GALNT17: variants seen among roughly 807,000 people sequenced by gnomAD.
GALNT17 encodes the protein polypeptide N-acetylgalactosaminyltransferase 17, also known as UDP-GalNAc:polypeptide N-acetylgalactosaminyltransferase-like 3.
In GALNT17, 29 loss-of-function variants were observed where a neutral mutation model predicts 63.7. That is an observed-to-expected ratio of 0.46 (90% confidence interval 0.34 to 0.62). The LOEUF (loss-of-function observed/expected upper bound fraction) is 0.62, where lower values mean the gene tolerates loss of function less well. GALNT17 is among the 20% of genes least tolerant of loss of function. The pLI is 0.01. For synonymous variants in GALNT17, 305 were observed against 318.3 expected, an observed-to-expected ratio of 0.96 and a Z score of 0.45; for missense variants, 603 against 799.6, an observed-to-expected ratio of 0.75 and a Z score of 2.97.
At chr7:71,407,996 A>C (rs1793359685) in intron 3 of GALNT17, among the ~76,000 whole-genome samples, 1 of 152,182 alleles carries the variant, frequency 6.6e-6, no homozygotes, top group African/African-American at 2.4e-5. Flanking sequence ...TGATAGTTGC[A>C]CAACATTGCG....
At chr7:71,325,671 T>C (rs1791692844) in intron 1 of GALNT17, among the ~76,000 whole-genome samples, 1 of 152,158 alleles carries the variant, frequency 6.6e-6, no homozygotes, top group African/African-American at 2.4e-5. Flanking sequence ...CATCGAGCCT[T>C]CATAGCTTGG....
At chr7:71,245,591 C>T (rs935211905) in intron 1 of GALNT17, among the ~76,000 whole-genome samples, 1 of 152,186 alleles carries the variant, frequency 6.6e-6, no homozygotes, top group Admixed American at 6.5e-5. Context: ...TGTGCAACCT[C>T]TAGTTCTGGG....
chr7:71,463,419 A>G lies in GALNT17; in HGVS notation c.962+42314A>G, dbSNP rs114074772. Among the ~76,000 whole-genome samples the G allele has an allele frequency of 7.7e-3, 1,171 of 152,250 alleles. 15 individuals carry two copies. The highest frequency in any genetic ancestry group is 0.027 in the African/African-American group (1,131 of 41,546). ...AAGTGGGCCAGAGTGCAGCCTGATT[A>G]ATGCTTATGTTACCAGAAAGGGGTC... On this transcript the variant is annotated intron_variant, in intron 5 of 10. Coordinates refer to ENST00000333538, the MANE Select transcript of GALNT17 (RefSeq NM_022479.3).
Position 71,665,413 on chromosome 7 carries a change from A to C in GALNT17, c.1083A>C (p.Val361=). The C allele has an allele frequency of 6.2e-7, 1 of 1,608,366 alleles. No individual in the cohort carries two copies. Among genetic ancestry groups the C allele is most frequent in the Non-Finnish European group, 8.5e-7 (1 of 1,178,740 alleles). Residue 361 remains valine (V), a splice_region_variant and synonymous_variant, in exon 7 of 11, where the codon GTA becomes GTC. Transcript: ENST00000333538. ...GGENIELGIK[V]WLCGGSMEVL... is the part of the protein sequence containing the mutation. ...TGATGAAATCTTTGTACCCCTAGGTATGGCTCTGTGGGGGCAGCATGGAGG... is the reference window on the plus strand; with the variant it reads ...TGATGAAATCTTTGTACCCCTAGGTCTGGCTCTGTGGGGGCAGCATGGAGG...
chr7:71,296,502 C>A lies in GALNT17; in HGVS notation c.239-39048C>A, dbSNP rs184194072. Among the ~76,000 whole-genome samples, 1,078 of 151,988 alleles carry A rather than the reference C, an allele frequency of 7.1e-3. 14 individuals are homozygous for A. The highest frequency in any genetic ancestry group is 0.024 in the African/African-American group (997 of 41,466). On this transcript the variant is annotated intron_variant, in intron 1 of 10. Transcript: ENST00000333538. ...TGGTGGCAGGTGCCTGTAATCCCAGCTACTCGGGAGGTTGAGGCAGGGAGA... is the reference window on the plus strand; with the variant it reads ...TGGTGGCAGGTGCCTGTAATCCCAGATACTCGGGAGGTTGAGGCAGGGAGA...
intron 8 of GALNT17, among the ~76,000 whole-genome samples, chr7:71,672,080 T>A (rs1233984015): frequency 6.6e-6 from 1 of 150,396 alleles, no homozygotes; most frequent in African/African-American, 2.5e-5. Flanking sequence ...TAATTATTAA[T>A]AGATCTGAAC....
At chr7:71,521,389 C>T (rs188246417) in intron 5 of GALNT17, among the ~76,000 whole-genome samples, 89 of 152,288 alleles carry the variant, frequency 5.8e-4, no homozygotes, top group African/African-American at 1.8e-3. Flanking sequence ...AGCAGGAAGA[C>T]GCCCTTTCCT....
intron 9 of GALNT17, among the ~76,000 whole-genome samples, chr7:71,678,514 T>G (rs572591040): frequency 6.6e-6 from 1 of 151,868 alleles, no homozygotes; most frequent in Non-Finnish European, 1.5e-5. Context: ...CCCGTCTCTG[T>G]TGGCCAGGTG....
At position 71,178,293 on chromosome 7, in the gene GALNT17, C is replaced by T. The variant is rs529151030; in HGVS notation, c.238+45253C>T. On this transcript the variant is annotated intron_variant, in intron 1 of 10. Coordinates refer to ENST00000333538, the MANE Select transcript of GALNT17 (RefSeq NM_022479.3). The stretch of plus-strand genomic sequence containing the variant: ...TTCATTATCATTTGTATTATTGTTC[C>T]CCTGCATGTGATTTGTCATTTTTTT... Among the ~76,000 whole-genome samples the T allele has an allele frequency of 2.4e-3, 365 of 152,036 alleles. 4 individuals are homozygous for T. The highest frequency in any genetic ancestry group is 3.8e-3 in the Non-Finnish European group (257 of 67,980).
intron 6 of GALNT17, among the ~76,000 whole-genome samples, chr7:71,664,975 A>C (rs1055709164): frequency 6.6e-6 from 1 of 152,016 alleles, no homozygotes; most frequent in Non-Finnish European, 1.5e-5. Context: ...GGCATTATTT[A>C]TTTATTTATT....
intron 2 of GALNT17, among the ~76,000 whole-genome samples, chr7:71,346,066 G>A (rs1792090631): frequency 6.7e-6 from 1 of 150,326 alleles, no homozygotes; most frequent in Non-Finnish European, 1.5e-5. Context: ...GGTGGCTTGT[G>A]CCTGTTGTCC....
At chr7:71,145,052 A>G (rs1787992530) in intron 1 of GALNT17, among the ~76,000 whole-genome samples, 1 of 152,032 alleles carries the variant, frequency 6.6e-6, no homozygotes, top group Non-Finnish European at 1.5e-5. Flanking sequence ...TAAGGGGATC[A>G]TGGAGGACAA....
In GALNT17 at chr7:71,152,583, C is replaced by T. The variant is rs1418872101; in HGVS notation, c.238+19543C>T. ...CGCAGCCCCGGGGGATCCTGATCCACTTTTCTTCTTCCCCATGAGATAGGC... is the reference window on the plus strand; with the variant it reads ...CGCAGCCCCGGGGGATCCTGATCCATTTTTCTTCTTCCCCATGAGATAGGC... On this transcript the variant is annotated intron_variant, in intron 1 of 10. Coordinates refer to ENST00000333538, the MANE Select transcript of GALNT17 (RefSeq NM_022479.3). 3.9e-5 allele frequency among the ~76,000 whole-genome samples: 6 copies of T among 152,098 alleles called. No individual in the cohort carries two copies. In the East Asian group the frequency reaches 1.2e-3, roughly 29 times the overall value.
At chr7:71,142,012 C>CTGTGTGTGTGTGTGTGTG (rs201770661) in intron 1 of GALNT17, among the ~76,000 whole-genome samples, 9 of 124,890 alleles carry the variant, frequency 7.2e-5, no homozygotes, top group South Asian at 5.7e-4. Flanking sequence ...CCACATTTGG[C>CTGTGTGTGTGTGTGTGTG]TGTGTGTGTG....
At chr7:71,567,437 C>T (rs1789367632) in intron 5 of GALNT17, among the ~76,000 whole-genome samples, 1 of 152,162 alleles carries the variant, frequency 6.6e-6, no homozygotes, top group African/African-American at 2.4e-5. Flanking sequence ...TTGTTTAATC[C>T]ACACAACAAT....
chr7:71,161,857 G>C (rs752433399), intron 1 of GALNT17, among the ~76,000 whole-genome samples: 14 of 151,972 alleles, frequency 9.2e-5, no homozygotes, highest in Non-Finnish European at 1.6e-4. Flanking sequence ...CTGTTTCAAC[G>C]TTGTATCTGT....
chr7:71,540,171 G>C (rs1424431173), intron 5 of GALNT17, among the ~76,000 whole-genome samples: 1 of 123,442 alleles, frequency 8.1e-6, no homozygotes, highest in Non-Finnish European at 1.6e-5. Flanking sequence ...TGCAGTGGTG[G>C]GATCTTGGCT....
chr7:71,708,260 T>C (rs150708381), intron 9 of GALNT17, among the ~76,000 whole-genome samples: 377 of 152,284 alleles, frequency 2.5e-3, no homozygotes, highest in African/African-American at 8.5e-3. Context: ...GACTCATAGT[T>C]CTACATGGCT....
intron 1 of GALNT17, among the ~76,000 whole-genome samples, chr7:71,222,684 T>C (rs917513836): frequency 2.6e-5 from 4 of 152,214 alleles, no homozygotes; most frequent in African/African-American, 9.6e-5. Flanking sequence ...TGATTTGATT[T>C]AGATTTGGGG....
Sources: allele counts gnomAD v4.1 joint callset (sites outside exome capture counted in the v4.1 genomes callset), GRCh38; gene constraint gnomAD v4.1.1; transcripts MANE v1.5; gene names NCBI Gene and HGNC (gene_info 2026-07-23, HGNC 2026-07-21).